The following XPNPEP1 variants were observed in gnomAD, a reference collection of about 807,000 sequenced individuals.
XPNPEP1 encodes the protein xaa-Pro aminopeptidase 1.
A neutral mutation model predicts 92.4 loss-of-function variants in XPNPEP1; 39 were observed. That is an observed-to-expected ratio of 0.42 (90% confidence interval 0.33 to 0.55). The LOEUF is 0.55. Among genes scored for constraint, XPNPEP1 ranks in the 20% least tolerant of loss-of-function variants. The pLI, the probability that XPNPEP1 is intolerant of heterozygous loss-of-function variation, is 0.08. For synonymous variants in XPNPEP1, 307 were observed against 299.4 expected, an observed-to-expected ratio of 1.03 and a Z score of -0.26; for missense variants, 654 against 856.1, an observed-to-expected ratio of 0.76 and a Z score of 2.95.
intron 2 of XPNPEP1, among the ~76,000 whole-genome samples, chr10:109,913,438 G>A (rs796722287): frequency 3.3e-5 from 5 of 152,280 alleles, no homozygotes; most frequent in African/African-American, 1.2e-4. Flanking sequence ...ATCTTAACAC[G>A]GGCACAGATG....
At chr10:109,875,760 T>A in intron 14 of XPNPEP1, 161 bp from the exon 15 acceptor site, 1 of 572,974 alleles carries the variant, frequency 1.7e-6, no homozygotes, top group Non-Finnish European at 3.0e-6. Context: ...TTTCAACTAA[T>A]ATTAAACTTC....
At chr10:109,871,451 T>A (rs1847467226) in intron 17 of XPNPEP1, among the ~76,000 whole-genome samples, 1 of 152,208 alleles carries the variant, frequency 6.6e-6, no homozygotes, top group Non-Finnish European at 1.5e-5. Context: ...GGCCCAGTAC[T>A]AAAGGGCAGA....
At chr10:109,868,286 A>G (rs1336855188) in intron 20 of XPNPEP1, among the ~76,000 whole-genome samples, 1 of 152,074 alleles carries the variant, frequency 6.6e-6, no homozygotes, top group East Asian at 1.9e-4. Context: ...ACATAGGCTC[A>G]TATTTGCTAA....
intron 3 of XPNPEP1, among the ~76,000 whole-genome samples, chr10:109,904,564 T>C (rs113510431): frequency 2.4e-4 from 36 of 152,172 alleles, no homozygotes; most frequent in Middle Eastern, 3.4e-3. Flanking sequence ...AGAGTGCACA[T>C]CAGCATATTA....
At chr10:109,869,912 T>C (rs1171785017) in intron 19 of XPNPEP1, 41 bp downstream of exon 19, 1 of 1,602,544 alleles carries the variant, frequency 6.2e-7, no homozygotes, top group Non-Finnish European at 8.5e-7. Flanking sequence ...GGCGTGATTA[T>C]TGCTAATAGA....
At chr10:109,879,396 C>T (rs371301121) in intron 12 of XPNPEP1, among the ~76,000 whole-genome samples, 1 of 151,886 alleles carries the variant, frequency 6.6e-6, no homozygotes, top group East Asian at 1.9e-4. Context: ...ATGGTGAAAC[C>T]CCATCTCTAC....
intron 2 of XPNPEP1, among the ~76,000 whole-genome samples, chr10:109,912,553 G>A (rs1032916523): frequency 2.6e-5 from 4 of 152,206 alleles, no homozygotes; most frequent in Non-Finnish European, 5.9e-5. Flanking sequence ...AATTATATAA[G>A]TCCTAGCCAT....
chr10:109,908,829 T>C (rs752750763), intron 2 of XPNPEP1, among the ~76,000 whole-genome samples: 121 of 152,356 alleles, frequency 7.9e-4, no homozygotes, highest in Non-Finnish European at 1.7e-3. Flanking sequence ...ATAAACCTTT[T>C]GTTAAATATC....
intron 1 of XPNPEP1, among the ~76,000 whole-genome samples, chr10:109,920,460 T>C (rs573188000): frequency 3.3e-5 from 5 of 152,340 alleles, no homozygotes; most frequent in Admixed American, 2.6e-4. Context: ...GAATTTCCCA[T>C]TACTTCATAC....
Position 109,893,191 on chromosome 10 carries a change from C to G in XPNPEP1, c.247-116G>C, listed in dbSNP as rs147455671. ...CTATGAAGACTGGGGAATCCTTGGC[C>G]CCCGCCCTCAAGAAGCCAACAGTCT... On this transcript the variant is annotated intron_variant, in intron 3 of 20. Coordinates refer to ENST00000502935, the MANE Select transcript of XPNPEP1 (RefSeq NM_020383.4). 394 of 917,170 alleles carry G rather than the reference C, an allele frequency of 4.3e-4. 1 individual carries two copies. In the African/African-American group the frequency reaches 6.1e-3, roughly 14 times the overall value. The allele number at this position is 917,170 out of a possible 1,614,324, so 56.8% of individuals were successfully genotyped here. A position where few individuals can be genotyped will look rare whatever the true frequency, so the allele number is the denominator to read the frequency against.
At chr10:109,908,142 T>C (rs1849659320) in intron 2 of XPNPEP1, among the ~76,000 whole-genome samples, 1 of 152,232 alleles carries the variant, frequency 6.6e-6, no homozygotes, top group African/African-American at 2.4e-5. Flanking sequence ...TGTTTATCTT[T>C]GTTTATAGTA....
At chr10:109,873,263 C>A (rs1589548804) in intron 16 of XPNPEP1, 104 bp downstream of exon 16, 4 of 1,345,664 alleles carry the variant, frequency 3.0e-6, no homozygotes, top group African/African-American at 1.5e-5. Context: ...AATTTTACTA[C>A]CCCACATGTA....
At chr10:109,899,899 A>G (rs1849188639) in intron 3 of XPNPEP1, among the ~76,000 whole-genome samples, 1 of 152,238 alleles carries the variant, frequency 6.6e-6, no homozygotes, top group Admixed American at 6.5e-5. Context: ...TCCTGCTTTG[A>G]GGCAAGTGGT....
At chr10:109,883,902 C>A (rs1009051611) in intron 9 of XPNPEP1, 165 bp downstream of exon 9, 3 of 635,876 alleles carry the variant, frequency 4.7e-6, no homozygotes, top group Admixed American at 6.2e-5. Flanking sequence ...TATAAATAAA[C>A]ACCTACTGCT....
At chr10:109,905,909 C>T (rs567316546) in intron 3 of XPNPEP1, among the ~76,000 whole-genome samples, 1 of 152,176 alleles carries the variant, frequency 6.6e-6, no homozygotes, top group South Asian at 2.1e-4. Flanking sequence ...GATCCCTTTG[C>T]TTATTCATTT....
chr10:109,876,275 A>G (rs2133377227), intron 14 of XPNPEP1: 1 of 152,420 alleles, frequency 6.6e-6, no homozygotes. Flanking sequence ...AAGGGATGAG[A>G]GCACTCCAAG....
intron 15 of XPNPEP1, among the ~76,000 whole-genome samples, chr10:109,874,500 C>T (rs764839656): frequency 6.6e-6 from 1 of 152,240 alleles, no homozygotes; most frequent in Non-Finnish European, 1.5e-5. Flanking sequence ...AAAGTTTACA[C>T]CATTATCAAG....
At chr10:109,875,256 C>T (rs1311868549) in intron 15 of XPNPEP1, among the ~76,000 whole-genome samples, 1 of 152,202 alleles carries the variant, frequency 6.6e-6, no homozygotes, top group Non-Finnish European at 1.5e-5. Flanking sequence ...GTTCCAAAAG[C>T]TTGCTTTACT....
At chr10:109,918,838 AGGAAGGAAGGAAGGAAGGAG>A (rs879466719) in intron 1 of XPNPEP1, among the ~76,000 whole-genome samples, 4,746 of 46,564 alleles carry the variant, frequency 0.1, 268 homozygotes, top group Non-Finnish European at 0.19. Context: ...GAAAGGAGGA[AGGAAGGAAGGAAGGAAGGAG>A]GGAAGGAAGG....
Sources: allele counts gnomAD v4.1 joint callset (sites outside exome capture counted in the v4.1 genomes callset), GRCh38; gene constraint gnomAD v4.1.1; transcripts MANE v1.5; gene names NCBI Gene and HGNC (gene_info 2026-07-23, HGNC 2026-07-21).